RPF2: variants seen among roughly 807,000 people sequenced by gnomAD.
The protein encoded by RPF2 is ribosome production factor 2 homolog, also known as brix domain containing 1.
A neutral mutation model predicts 38.9 loss-of-function variants in RPF2; 21 were observed. That is an observed-to-expected ratio of 0.54 (90% CI 0.38 to 0.78). The LOEUF is 0.78. Among genes scored for constraint, RPF2 ranks in the 30% least tolerant of loss-of-function variants. The pLI, the probability that RPF2 is intolerant of heterozygous loss-of-function variation, is 0.00. For synonymous variants in RPF2, 121 were observed against 126.2 expected, an observed-to-expected ratio of 0.96 and a Z score of 0.28; for missense variants, 314 against 358.1, an observed-to-expected ratio of 0.88 and a Z score of 0.99.
intron 6 of RPF2, among the ~76,000 whole-genome samples, chr6:111,001,581 C>T (rs904083105): frequency 1.3e-5 from 2 of 152,010 alleles, no homozygotes; most frequent in African/African-American, 4.8e-5. Context: ...ACAGTGTTGC[C>T]CAGACTGGTC....
chr6:110,992,060 A>C (rs544068495), intron 4 of RPF2, among the ~76,000 whole-genome samples: 1 of 152,100 alleles, frequency 6.6e-6, no homozygotes, highest in Non-Finnish European at 1.5e-5. Context: ...TAATCCTAGC[A>C]CTTTGGGAGG....
Position 110,997,242 on chromosome 6 carries a change from G to A in RPF2, c.294G>A (p.Lys98=). The A allele has an allele frequency of 6.3e-7, 1 of 1,598,506 alleles. No individual in the cohort carries two copies. The highest frequency in any genetic ancestry group is 2.2e-5 in the East Asian group (1 of 44,786). ...SLFMFGSHNK[K]RPNNLVIGRM... ...TCATGTTTGGCTCCCATAATAAGAA[G>A]CGGCCAAATAATCTAGTAATAGGTA... Residue 98 remains lysine (K), a synonymous_variant, in exon 5 of 10, where the codon AAG becomes AAA. Transcript: ENST00000441448.
chr6:111,003,443 A>G (rs1771848445), intron 6 of RPF2, among the ~76,000 whole-genome samples: 1 of 152,116 alleles, frequency 6.6e-6, no homozygotes, highest in Admixed American at 6.6e-5. Context: ...GGTGCCTACC[A>G]CCATGCCCAG....
In RPF2 at chr6:110,990,492, ATTC is replaced by A. The variant is rs536087929; in HGVS notation, c.195-1250_195-1248del. ...CAAAAATGTTGTGCTTTCCTCATAT[ATTC>A]TTCTGGATTATAATCCAGTGTTCTT... is the stretch of plus-strand genomic sequence containing the variant. On this transcript the variant is annotated intron_variant, in intron 3 of 9. Transcript: ENST00000441448. Among the ~76,000 whole-genome samples the A allele has an allele frequency of 5.8e-3, 862 of 149,408 alleles. 3 individuals carry two copies. Among genetic ancestry groups the A allele is most frequent in the Non-Finnish European group, 8.8e-3 (595 of 67,552 alleles).
chr6:110,982,700 A>G (rs3862837), intron 1 of RPF2, among the ~76,000 whole-genome samples: 37,586 of 152,038 alleles, frequency 0.25, 5,361 homozygotes, highest in East Asian at 0.65. Flanking sequence ...TACCTGTTTT[A>G]AATTTGTTCA....
At chr6:111,004,669 C>T (rs1771878702) in intron 6 of RPF2, among the ~76,000 whole-genome samples, 1 of 152,014 alleles carries the variant, frequency 6.6e-6, no homozygotes, top group South Asian at 2.1e-4. Context: ...AACCTCCACC[C>T]CAAAGTTCAA....
At chr6:111,017,190 T>C (rs1288674217) in intron 8 of RPF2, among the ~76,000 whole-genome samples, 1 of 152,228 alleles carries the variant, frequency 6.6e-6, no homozygotes, top group Non-Finnish European at 1.5e-5. Flanking sequence ...CTCAATGAGC[T>C]GTTGGGTACA....
intron 6 of RPF2, among the ~76,000 whole-genome samples, chr6:111,003,306 C>T (rs1771845915): frequency 6.6e-6 from 1 of 151,988 alleles, no homozygotes; most frequent in Non-Finnish European, 1.5e-5. Flanking sequence ...CCTCCACCCT[C>T]ACCAGACAGA....
Position 111,015,814 on chromosome 6 carries a change from A to C in RPF2, c.554A>C (p.His185Pro), listed in dbSNP as rs754486291. ...IRLAGLEYVLHFTALNGKIYF... is the reference protein window; with the variant it reads ...IRLAGLEYVLPFTALNGKIYF... ...CTGGCTGGATTAGAGTATGTTCTGC[A>C]CTTCACTGCACTGAATGGGAAGATT... Residue 185 changes from histidine (H) to proline (P), a missense_variant, in exon 8 of 10, where the codon CAC (histidine) becomes CCC (proline). Coordinates refer to ENST00000441448, the MANE Select transcript of RPF2 (RefSeq NM_032194.3). 6.2e-7 allele frequency: 1 copy of C among 1,613,202 alleles called. No homozygotes were observed. The highest frequency in any genetic ancestry group is 1.1e-5 in the South Asian group (1 of 91,064).
intron 4 of RPF2, among the ~76,000 whole-genome samples, chr6:110,994,503 T>C (rs925648123): frequency 1.3e-5 from 2 of 151,834 alleles, no homozygotes; most frequent in Non-Finnish European, 2.9e-5. Context: ...GAGGATCAGC[T>C]GAGTGCAGGA....
rs556756655 is a variant in RPF2 at position 110,995,327 on chromosome 6, A to G, written c.235-1856A>G. 5.9e-5 allele frequency among the ~76,000 whole-genome samples: 9 copies of G among 152,294 alleles called. No homozygotes were observed. In the South Asian group the frequency reaches 1.9e-3, roughly 32 times the overall value. On this transcript the variant is annotated intron_variant, in intron 4 of 9. Coordinates refer to ENST00000441448, the MANE Select transcript of RPF2 (RefSeq NM_032194.3). ...TTTTGCAGGAGGTGGTATTATCCCT[A>G]TTGATAAAGTTAATTCTCAGAAAAG...
chr6:110,983,743 A>G (rs1026360173), intron 1 of RPF2, among the ~76,000 whole-genome samples: 17 of 152,042 alleles, frequency 1.1e-4, no homozygotes, highest in Non-Finnish European at 2.5e-4. Flanking sequence ...TAAGAATTGT[A>G]ACTCGCGCGT....
chr6:110,993,221 G>A (rs1489428429), intron 4 of RPF2, among the ~76,000 whole-genome samples: 6 of 151,936 alleles, frequency 3.9e-5, no homozygotes, highest in African/African-American at 1.4e-4. Flanking sequence ...CTGGGATTAT[G>A]GGTGTAAGCC....
At chr6:111,016,721 TTTCTC>T (rs1193049277) in intron 8 of RPF2, among the ~76,000 whole-genome samples, 1 of 147,288 alleles carries the variant, frequency 6.8e-6, no homozygotes, top group South Asian at 2.3e-4. Flanking sequence ...TTCTTGGGTG[TTTCTC>T]GCAGAGGGGG....
intron 1 of RPF2, 148 bp from the exon 2 acceptor site, chr6:110,984,858 A>C (rs913678321): frequency 4.3e-6 from 4 of 919,582 alleles, no homozygotes; most frequent in Middle Eastern, 7.2e-4. Flanking sequence ...ACAAAAAAAA[A>C]CAAACAAAAA....
chr6:110,988,383 A>G (rs1425335745), intron 2 of RPF2, among the ~76,000 whole-genome samples: 1 of 151,664 alleles, frequency 6.6e-6, no homozygotes, highest in Non-Finnish European at 1.5e-5. Context: ...ACATTATTTC[A>G]ATCTGTCAGC....
chr6:111,019,873 A>G (rs1772198599), intron 8 of RPF2, among the ~76,000 whole-genome samples: 1 of 152,142 alleles, frequency 6.6e-6, no homozygotes, highest in African/African-American at 2.4e-5. Context: ...AAGTATTTCA[A>G]ACTCTGAAAA....
intron 7 of RPF2, among the ~76,000 whole-genome samples, chr6:111,013,352 A>C (rs1772051884): frequency 6.6e-6 from 1 of 152,136 alleles, no homozygotes; most frequent in African/African-American, 2.4e-5. Flanking sequence ...TCATGCTGTT[A>C]GACATATTTG....
intron 6 of RPF2, among the ~76,000 whole-genome samples, chr6:111,003,512 C>T (rs1161398782): frequency 2.0e-5 from 3 of 152,024 alleles, no homozygotes; most frequent in Non-Finnish European, 4.4e-5. Context: ...TAAACAAGCT[C>T]ATTGAGAATA....
Sources: gnomAD v4.1 joint callset for allele counts (sites outside exome capture counted in the v4.1 genomes callset) on GRCh38, gnomAD v4.1.1 for gene constraint, MANE v1.5 for transcripts, NCBI Gene and HGNC (gene_info 2026-07-23, HGNC 2026-07-21) for gene names.